The following KIF26B variants were observed in gnomAD, a reference collection of about 807,000 sequenced individuals.
KIF26B encodes the protein kinesin-like protein KIF26B.
Under a neutral mutation model 151.2 loss-of-function variants are expected in KIF26B, and 63 were observed. That is an observed-to-expected ratio of 0.42 (90% CI 0.34 to 0.51). The LOEUF is 0.51. Among genes scored for constraint, KIF26B ranks in the 20% least tolerant of loss-of-function variants. The pLI is 0.07. For missense variants in KIF26B, 2,813 were observed against 2,913.6 expected, an observed-to-expected ratio of 0.97 and a Z score of 0.79; for synonymous variants, 1,357 against 1,262.1, an observed-to-expected ratio of 1.08 and a Z score of -1.59.
At chr1:245,405,540 CT>C (rs1463862640) in intron 3 of KIF26B, among the ~76,000 whole-genome samples, 2 of 151,920 alleles carry the variant, frequency 1.3e-5, no homozygotes, top group Non-Finnish European at 2.9e-5. Flanking sequence ...GAGCCCCTGG[CT>C]TATGGCTAAC....
intron 4 of KIF26B, among the ~76,000 whole-genome samples, chr1:245,490,306 ATTTTTT>A (rs57644744): frequency 1.2e-5 from 1 of 83,842 alleles, no homozygotes; most frequent in Non-Finnish European, 2.3e-5. Flanking sequence ...TCTGTAGAAC[ATTTTTT>A]TTTTTTTTTT....
intron 2 of KIF26B, among the ~76,000 whole-genome samples, chr1:245,163,085 T>C (rs1668559038): frequency 6.6e-6 from 1 of 152,228 alleles, no homozygotes; most frequent in South Asian, 2.1e-4. Flanking sequence ...AATTTATCTT[T>C]CTCACATTAA....
intron 9 of KIF26B, among the ~76,000 whole-genome samples, chr1:245,640,143 C>CTCTCTCTCTCTATATA: frequency 1.9e-4 from 6 of 31,932 alleles, no homozygotes; most frequent in African/African-American, 8.4e-4. Flanking sequence ...CTCTCTCTCT[C>CTCTCTCTCTCTATATA]TATATATATA....
At chr1:245,296,015 C>T (rs758040706) in intron 2 of KIF26B, among the ~76,000 whole-genome samples, 4 of 152,102 alleles carry the variant, frequency 2.6e-5, no homozygotes, top group Non-Finnish European at 5.9e-5. Context: ...CTGCATCTAG[C>T]GTAATGTTGA....
intron 4 of KIF26B, among the ~76,000 whole-genome samples, chr1:245,480,312 C>T (rs7552845): frequency 0.43 from 64,826 of 150,580 alleles, 16,261 homozygotes; most frequent in Non-Finnish European, 0.54. Context: ...GAACTACATG[C>T]AGGGTGGGAT....
chr1:245,390,921 C>CA (rs796799193), intron 3 of KIF26B, among the ~76,000 whole-genome samples: 3,140 of 13,356 alleles, frequency 0.24, 675 homozygotes, highest in Non-Finnish European at 0.24. Context: ...GACCCTGTCT[C>CA]AAAAAAAAAA....
chr1:245,331,993 G>A (rs979115949), intron 2 of KIF26B, among the ~76,000 whole-genome samples: 5 of 152,134 alleles, frequency 3.3e-5, no homozygotes, highest in African/African-American at 9.7e-5. Flanking sequence ...GGGCGTGGTG[G>A]TGGGTGCCTG....
chr1:245,354,584 G>T (rs114930670), intron 2 of KIF26B, among the ~76,000 whole-genome samples: 5 of 152,326 alleles, frequency 3.3e-5, no homozygotes, highest in East Asian at 1.9e-4. Flanking sequence ...TGGGCCAGGC[G>T]GTCAGGATCT....
At position 245,156,528 on chromosome 1, in the gene KIF26B, C is replaced by T. The variant is rs1280960699; in HGVS notation, c.310C>T (p.Pro104Ser). 6.5e-7 allele frequency: 1 copy of T among 1,535,448 alleles called. No individual in the cohort carries two copies. Residue 104 changes from proline (P) to serine (S), a missense_variant, in exon 2 of 15, where the codon CCG becomes TCG. This residue lies in a region of KIF26B where 676 missense variants were observed against 688.1 expected (regional missense o/e 0.98). Transcript: ENST00000407071. ...TSSPGSLGGS[P>S]GFGTGSPGSG... ...TTCGCCGGGCTCCTTGGGCGGCTCT[C>T]CGGGCTTCGGCACAGGCTCCCCGGG...
At chr1:245,324,064 T>G (rs12723302) in intron 2 of KIF26B, among the ~76,000 whole-genome samples, 2 of 96,100 alleles carry the variant, frequency 2.1e-5, no homozygotes, top group African/African-American at 8.0e-5. Context: ...TGTGGGTGGT[T>G]GGAGGTGGAG....
Position 245,229,084 on chromosome 1 carries a change from A to G in KIF26B, c.465+72401A>G, listed in dbSNP as rs146803122. On this transcript the variant is annotated intron_variant, in intron 2 of 14. Transcript: ENST00000407071. ...CAGGTTCAAGCGATTCACATGTCTC[A>G]GCCTCCCTAGTAGGTCAGACTACAG... 3.6e-3 allele frequency among the ~76,000 whole-genome samples: 541 copies of G among 152,266 alleles called. 3 individuals are homozygous for G. The highest frequency in any genetic ancestry group is 0.012 in the African/African-American group (516 of 41,540).
At chr1:245,315,849 GC>G in intron 2 of KIF26B, among the ~76,000 whole-genome samples, 1 of 152,246 alleles carries the variant, frequency 6.6e-6, no homozygotes, top group East Asian at 1.9e-4. Flanking sequence ...CCGTGATGGT[GC>G]CACTGCACTG....
intron 2 of KIF26B, among the ~76,000 whole-genome samples, chr1:245,226,337 T>C (rs1167005845): frequency 6.6e-6 from 1 of 152,218 alleles, no homozygotes; most frequent in East Asian, 1.9e-4. Context: ...TCTTATTCCC[T>C]TGTCCCAGCA....
intron 5 of KIF26B, among the ~76,000 whole-genome samples, chr1:245,583,054 A>C (rs2043191368): frequency 6.6e-6 from 1 of 152,186 alleles, no homozygotes. Flanking sequence ...AAATAGAAGA[A>C]GAAAGGATTT....
intron 4 of KIF26B, among the ~76,000 whole-genome samples, chr1:245,450,040 T>G (rs1659350750): frequency 1.3e-5 from 2 of 152,172 alleles, no homozygotes; most frequent in South Asian, 4.1e-4. Flanking sequence ...ATGTGCGTGC[T>G]TTGCCTTGGG....
chr1:245,686,553 C>T lies in KIF26B; in HGVS notation c.3570C>T (p.Phe1190=). The change falls in exon 12 of 15, where the codon TTC becomes TTT. Residue 1190 remains phenylalanine (F), a synonymous_variant. Coordinates refer to ENST00000407071, the MANE Select transcript of KIF26B (RefSeq NM_018012.4). This position sits in a 1 kb window ranked among gnomAD's most constrained non-coding sequence, Gnocchi z 5.6. ...TGAACGGTGAGGACGAGCTGGTGTT[C>T]ACGCTGGTGGAGGAGCTGACCATCA... ...LELNGEDELV[F]TLVEELTISG... The T allele has an allele frequency of 6.2e-7, 1 of 1,613,086 alleles. No homozygotes were observed. The highest frequency in any genetic ancestry group is 8.5e-7 in the Non-Finnish European group (1 of 1,179,824).
chr1:245,468,062 A>G (rs1659833594), intron 4 of KIF26B, among the ~76,000 whole-genome samples: 2 of 149,560 alleles, frequency 1.3e-5, no homozygotes, highest in Non-Finnish European at 3.0e-5. Context: ...ACTTTCCCAG[A>G]AAGCAGGGTG....
chr1:245,658,909 A>G (rs12028905), intron 10 of KIF26B, among the ~76,000 whole-genome samples: 9,671 of 152,114 alleles, frequency 0.064, 342 homozygotes, highest in South Asian at 0.11. Context: ...TTGTTTACAT[A>G]TACCTCTCCT....
intron 10 of KIF26B, among the ~76,000 whole-genome samples, chr1:245,680,518 AGTC>A (rs1232451385): frequency 2.0e-5 from 3 of 152,070 alleles, no homozygotes; most frequent in Non-Finnish European, 4.4e-5. Flanking sequence ...ATGGGTGGGG[AGTC>A]GCGGAAATAC....
Sources: allele counts gnomAD v4.1 joint callset (sites outside exome capture counted in the v4.1 genomes callset), GRCh38; gene constraint gnomAD v4.1.1; regional missense constraint gnomAD v4.1.1; non-coding constraint Gnocchi (gnomAD v3.1); transcripts MANE v1.5; gene names NCBI Gene and HGNC (gene_info 2026-07-23, HGNC 2026-07-21).